The following CALN1 variants were observed in gnomAD, a reference collection of about 807,000 sequenced individuals.
The protein encoded by CALN1 is calneuron 1.
A neutral mutation model predicts 30.6 loss-of-function variants in CALN1; 17 were observed. The ratio of observed to expected loss-of-function variants is 0.56; its 90% CI spans 0.38 to 0.83. The LOEUF (loss-of-function observed/expected upper bound fraction) is 0.83, where lower values mean the gene tolerates loss of function less well. Among genes scored for constraint, CALN1 ranks in the 40% least tolerant of loss-of-function variants. The pLI is 0.00. For missense variants in CALN1, 291 were observed against 354.9 expected, an observed-to-expected ratio of 0.82 and a Z score of 1.45; for synonymous variants, 156 against 131.4, an observed-to-expected ratio of 1.19 and a Z score of -1.28.
Position 72,389,806 on chromosome 7 carries a change from C to G in CALN1, c.119+13445G>C, listed in dbSNP as rs941717784. Among the ~76,000 whole-genome samples, 2 of 152,102 alleles carry G rather than the reference C, an allele frequency of 1.3e-5. 1 individual carries two copies. The highest frequency in any genetic ancestry group is 1.3e-4 in the Admixed American group (2 of 15,274). ...CAGTGGTGCATGCCTGTAATCCCAG[C>G]TACTCGGGAGGCTGAGGCAGGAGAA... On this transcript the variant is annotated intron_variant, in intron 2 of 6. Transcript: ENST00000395275.
chr7:72,284,933 C>CT lies in CALN1; in HGVS notation c.120-6124dup, dbSNP rs199792276. On this transcript the variant is annotated intron_variant, in intron 2 of 6. Coordinates refer to ENST00000395275, the MANE Select transcript of CALN1 (RefSeq NM_031468.4). Reference sequence around the variant, plus strand: ...GGAGAACCCACATTAATGCACCTTCCTTTTTTTTCCTCTACAGTACCAAGG... The same window carrying CT: ...GGAGAACCCACATTAATGCACCTTCCTTTTTTTTTCCTCTACAGTACCAAGG... Among the ~76,000 whole-genome samples, 869 of 151,998 alleles carry CT rather than the reference C, an allele frequency of 5.7e-3. 5 individuals are homozygous for CT. Among genetic ancestry groups the CT allele is most frequent in the African/African-American group, 0.019 (787 of 41,450 alleles).
At chr7:72,116,344 C>T (rs1351130905) in intron 3 of CALN1, among the ~76,000 whole-genome samples, 1 of 152,110 alleles carries the variant, frequency 6.6e-6, no homozygotes, top group African/African-American at 2.4e-5. Context: ...ATAGCAAGAC[C>T]CTGTCCCTGT....
chr7:72,257,505 C>T (rs1795992948), intron 3 of CALN1, among the ~76,000 whole-genome samples: 1 of 152,162 alleles, frequency 6.6e-6, no homozygotes. Context: ...ACTTCCAACG[C>T]TGCTGGTGAG....
intron 2 of CALN1, among the ~76,000 whole-genome samples, chr7:72,351,595 T>TA (rs1332048280): frequency 1.3e-5 from 2 of 152,192 alleles, no homozygotes; most frequent in Non-Finnish European, 2.9e-5. Flanking sequence ...TATTAAAAGA[T>TA]AGTCAATTTA....
chr7:72,228,400 G>T (rs1325337803), intron 3 of CALN1, among the ~76,000 whole-genome samples: 1 of 151,802 alleles, frequency 6.6e-6, no homozygotes, highest in Non-Finnish European at 1.5e-5. Context: ...TTTCTCTGGG[G>T]TGATAAAATG....
intron 3 of CALN1, among the ~76,000 whole-genome samples, chr7:72,153,241 C>T (rs768603919): frequency 9.9e-5 from 15 of 152,194 alleles, no homozygotes; most frequent in Non-Finnish European, 1.0e-4. Context: ...ATCACACCTA[C>T]GCGTGGGCTG....
intron 6 of CALN1, among the ~76,000 whole-genome samples, chr7:71,788,327 C>T (rs186291243): frequency 4.6e-5 from 7 of 152,172 alleles, no homozygotes. Context: ...CTTCCCTACA[C>T]CTCTGTGATC....
chr7:72,057,992 G>A (rs190070642), intron 4 of CALN1, among the ~76,000 whole-genome samples: 7 of 152,228 alleles, frequency 4.6e-5, no homozygotes, highest in Admixed American at 1.3e-4. Flanking sequence ...TTTCTAAGTC[G>A]TGCAGAAGTT....
chr7:72,151,515 A>T (rs1013408895), intron 3 of CALN1, among the ~76,000 whole-genome samples: 2 of 152,030 alleles, frequency 1.3e-5, no homozygotes, highest in Admixed American at 6.6e-5. Context: ...TTTTGGGAGG[A>T]CACAATTCAA....
chr7:72,104,750 A>C (rs1462226934), intron 4 of CALN1, among the ~76,000 whole-genome samples: 2 of 152,158 alleles, frequency 1.3e-5, no homozygotes, highest in African/African-American at 4.8e-5. Flanking sequence ...CGAGATCAGG[A>C]GATTGAGACC....
At chr7:72,109,458 T>A (rs1807406133) in intron 3 of CALN1, among the ~76,000 whole-genome samples, 1 of 152,158 alleles carries the variant, frequency 6.6e-6, no homozygotes, top group African/African-American at 2.4e-5. Flanking sequence ...CACACCCTAT[T>A]AATCTGCTGT....
chr7:72,007,199 C>T (rs1016470140), intron 5 of CALN1, among the ~76,000 whole-genome samples: 2 of 152,216 alleles, frequency 1.3e-5, no homozygotes, highest in East Asian at 1.9e-4. Flanking sequence ...CCACCAGCCA[C>T]GTGACTAACA....
At position 72,076,264 on chromosome 7, in the gene CALN1, T is replaced by A. The variant is rs112138086; in HGVS notation, c.388+29887A>T. Among the ~76,000 whole-genome samples the A allele has an allele frequency of 4.5e-3, 682 of 150,946 alleles. 6 individuals are homozygous for A. The highest frequency in any genetic ancestry group is 6.7e-3 in the Non-Finnish European group (452 of 67,780). ...TTCACCTAGGTAACAAACCTGCACA[T>A]CCTGCACATGTACCCCGGAACTTAA... On this transcript the variant is annotated intron_variant, in intron 4 of 6. Transcript: ENST00000395275.
Position 72,361,616 on chromosome 7 carries a change from T to C in CALN1, c.119+41635A>G, listed in dbSNP as rs113562161. ...TAATATCATACACTGGACCAAATGA[T>C]ACCACGTTTACATTCACTTGATCGC... On this transcript the variant is annotated intron_variant, in intron 2 of 6. Coordinates refer to ENST00000395275, the MANE Select transcript of CALN1 (RefSeq NM_031468.4). Among the ~76,000 whole-genome samples, 716 of 152,328 alleles carry C rather than the reference T, an allele frequency of 4.7e-3. 2 individuals are homozygous for C. Among genetic ancestry groups the C allele is most frequent in the African/African-American group, 0.016 (680 of 41,570 alleles).
rs945595793 is a variant in CALN1, at chr7:72,106,297, A to G, written c.245-3T>C. ...AACCCGAAAGGCCTCTCGGATTTCT[A>G]CAATGGAAAAGCAAAGAAAGTCCAG... is the stretch of plus-strand genomic sequence containing the variant. On this transcript the variant is annotated splice_polypyrimidine_tract_variant and splice_region_variant and intron_variant, in intron 3 of 6. Coordinates refer to ENST00000395275, the MANE Select transcript of CALN1 (RefSeq NM_031468.4). The G allele has an allele frequency of 1.2e-6, 2 of 1,614,000 alleles. No individual in the cohort carries two copies. The highest frequency in any genetic ancestry group is 1.7e-6 in the Non-Finnish European group (2 of 1,179,970).
At chr7:72,123,557 G>A (rs767942476) in intron 3 of CALN1, among the ~76,000 whole-genome samples, 2 of 152,210 alleles carry the variant, frequency 1.3e-5, no homozygotes, top group Admixed American at 6.5e-5. Flanking sequence ...AAGTTAGCCA[G>A]AGAGAATGCG....
chr7:72,076,610 G>GA (rs1563035585), intron 4 of CALN1, among the ~76,000 whole-genome samples: 1 of 746 alleles, frequency 1.3e-3, no homozygotes, highest in Non-Finnish European at 3.1e-3. Context: ...AAAAAAAAAA[G>GA]CAAAAAAAAA....
At chr7:71,890,130 G>C (rs940286392) in intron 5 of CALN1, among the ~76,000 whole-genome samples, 1 of 152,108 alleles carries the variant, frequency 6.6e-6, no homozygotes, top group African/African-American at 2.4e-5. Context: ...TTGGAGACAA[G>C]GTCTCACTAT....
At chr7:72,289,187 T>C (rs903997397) in intron 2 of CALN1, among the ~76,000 whole-genome samples, 2 of 152,188 alleles carry the variant, frequency 1.3e-5, no homozygotes, top group Admixed American at 1.3e-4. Context: ...TCTGGACAAT[T>C]CTAAGTCATT....
Sources: allele counts gnomAD v4.1 joint callset (sites outside exome capture counted in the v4.1 genomes callset), GRCh38; gene constraint gnomAD v4.1.1; transcripts MANE v1.5; gene names NCBI Gene and HGNC (gene_info 2026-07-23, HGNC 2026-07-21).